The following USH2A variants were observed in gnomAD, a reference collection of about 807,000 sequenced individuals.
The protein encoded by USH2A is usherin.
In USH2A, 443 loss-of-function variants were observed where a neutral mutation model predicts 538.9. The ratio of observed to expected loss-of-function variants is 0.82; its 90% CI spans 0.76 to 0.89. The LOEUF (loss-of-function observed/expected upper bound fraction) is 0.89. Among genes scored for constraint, USH2A ranks in the 40% least tolerant of loss-of-function variants. The pLI is 0.00. For synonymous variants in USH2A, 2,413 were observed against 2,273.5 expected, an observed-to-expected ratio of 1.06 and a Z score of -1.75; for missense variants, 6,633 against 6,324.8, an observed-to-expected ratio of 1.05 and a Z score of -1.65.
intron 11 of USH2A, among the ~76,000 whole-genome samples, chr1:216,251,681 C>A (rs140912975): frequency 0.022 from 3,378 of 152,090 alleles, 60 homozygotes; most frequent in Middle Eastern, 0.13. Context: ...ACCTCGTGAT[C>A]CGCCCGCCTC....
At position 215,813,897 on chromosome 1, in the gene USH2A, C is replaced by A; in HGVS notation, c.9578G>T (p.Cys3193Phe). ...ICYSSEAKVC[C>F]NGVLYNPKPG... ...CTTGGGGTTATAGAGCACTCCGTTA[C>A]AACAAACCTGAAAGTTTGAAAACAG... Residue 3193 changes from cysteine to phenylalanine, a missense_variant, in exon 49 of 72, where the codon TGT (cysteine) becomes TTT (phenylalanine). Physicochemically the swap from Cys to Phe is radical, Grantham distance 205. Coordinates refer to ENST00000307340, the MANE Select transcript of USH2A (RefSeq NM_206933.4). 1 of 1,613,648 alleles carries A rather than the reference C, an allele frequency of 6.2e-7. No individual in the cohort carries two copies. The highest frequency in any genetic ancestry group is 8.5e-7 in the Non-Finnish European group (1 of 1,179,720).
At position 216,348,285 on chromosome 1, in the gene USH2A, T is replaced by A. The variant is rs371629158; in HGVS notation, c.784+16668A>T. On this transcript the variant is annotated intron_variant, in intron 4 of 71. Coordinates refer to ENST00000307340, the MANE Select transcript of USH2A (RefSeq NM_206933.4). ...TTTGTTATTTTACCAAGACTTTCAC[T>A]GGAATGGTGTGCTTTCCTTTAAGGA... is the stretch of plus-strand genomic sequence containing the variant. Among the ~76,000 whole-genome samples the A allele has an allele frequency of 7.9e-5, 12 of 152,278 alleles. No individual in the cohort carries two copies. The East Asian group carries it at 1.7e-3, about 22-fold the overall frequency.
intron 3 of USH2A, among the ~76,000 whole-genome samples, chr1:216,411,981 C>CTTTT (rs1392017923): frequency 2.6e-5 from 4 of 152,134 alleles, no homozygotes; most frequent in African/African-American, 9.7e-5. Flanking sequence ...TCATGTAGCA[C>CTTTT]TTACCACAAT....
At chr1:216,047,281 T>C (rs1399253374) in intron 31 of USH2A, among the ~76,000 whole-genome samples, 1 of 152,082 alleles carries the variant, frequency 6.6e-6, no homozygotes, top group East Asian at 1.9e-4. Flanking sequence ...TTGAAATTGG[T>C]ATGAAGGGTA....
intron 21 of USH2A, among the ~76,000 whole-genome samples, chr1:216,130,541 A>G (rs1233385981): frequency 6.8e-6 from 1 of 146,170 alleles, no homozygotes; most frequent in Non-Finnish European, 1.5e-5. Context: ...TATATATATA[A>G]AATATATATT....
At chr1:215,981,719 C>CTT (rs1667756698) in intron 35 of USH2A, among the ~76,000 whole-genome samples, 1 of 152,148 alleles carries the variant, frequency 6.6e-6, no homozygotes, top group African/African-American at 2.4e-5. Context: ...AGCACCAAAC[C>CTT]TTATTGTCAA....
intron 46 of USH2A, among the ~76,000 whole-genome samples, chr1:215,840,163 CAAAAAAAAAAAAAAAA>C (rs60766928): frequency 1.0e-4 from 3 of 29,516 alleles, no homozygotes; most frequent in South Asian, 3.3e-3. Context: ...GACTCTGTCT[CAAAAAAAAAAAAAAAA>C]AAAAAAAAAA....
Position 215,896,609 on chromosome 1 carries a change from A to G in USH2A, c.7594+3466T>C, listed in dbSNP as rs544102987. On this transcript the variant is annotated intron_variant, in intron 40 of 71. Transcript: ENST00000307340. ...TTTGAAAAACTTGCCCTCCCTGCCA[A>G]CTCTAATTTCTACATGCATGTACTA... 1.3e-4 allele frequency among the ~76,000 whole-genome samples: 20 copies of G among 152,244 alleles called. No individual in the cohort carries two copies. In the South Asian group the frequency reaches 3.9e-3, roughly 30 times the overall value.
At chr1:216,308,854 C>T (rs904605330) in intron 9 of USH2A, among the ~76,000 whole-genome samples, 1 of 152,128 alleles carries the variant, frequency 6.6e-6, no homozygotes, top group African/African-American at 2.4e-5. Flanking sequence ...CTCATGCTAG[C>T]TTTCTTAAAT....
intron 21 of USH2A, among the ~76,000 whole-genome samples, chr1:216,170,092 C>T (rs930030464): frequency 2.0e-5 from 3 of 152,012 alleles, no homozygotes; most frequent in African/African-American, 7.2e-5. Context: ...GCCCTACTTG[C>T]ACCTTCACTA....
chr1:215,941,849 TATC>T (rs1285813489), intron 37 of USH2A, among the ~76,000 whole-genome samples: 1 of 152,182 alleles, frequency 6.6e-6, no homozygotes, highest in Admixed American at 6.6e-5. Context: ...ATGAGAATGA[TATC>T]ATGTTTTGCT....
intron 13 of USH2A, 136 bp downstream of exon 13, chr1:216,246,449 G>T: frequency 2.8e-6 from 3 of 1,068,246 alleles, no homozygotes; most frequent in Non-Finnish European, 4.1e-6. Flanking sequence ...TATATGTGTT[G>T]GATAATGATA....
chr1:215,852,036 C>T (rs905500591), intron 44 of USH2A, among the ~76,000 whole-genome samples: 1 of 152,128 alleles, frequency 6.6e-6, no homozygotes, highest in African/African-American at 2.4e-5. Context: ...AAAGGACATA[C>T]TTTAATGTAA....
intron 12 of USH2A, among the ~76,000 whole-genome samples, chr1:216,250,637 T>C (rs1039666636): frequency 2.6e-5 from 4 of 152,240 alleles, no homozygotes; most frequent in African/African-American, 9.6e-5. Flanking sequence ...TATTTTTCTA[T>C]GACTTATTAG....
chr1:215,989,666 T>C (rs1667959213), intron 35 of USH2A, among the ~76,000 whole-genome samples: 2 of 151,976 alleles, frequency 1.3e-5, no homozygotes, highest in African/African-American at 4.8e-5. Flanking sequence ...GTGACAGCAG[T>C]CAGGGGTGAG....
intron 15 of USH2A, among the ~76,000 whole-genome samples, chr1:216,209,145 T>C (rs2035182569): frequency 6.6e-6 from 1 of 152,188 alleles, no homozygotes; most frequent in Non-Finnish European, 1.5e-5. Flanking sequence ...TGTTAACTCT[T>C]CTCTGCACAC....
chr1:216,023,468 A>AC (rs1380563716), intron 32 of USH2A, among the ~76,000 whole-genome samples: 7 of 148,346 alleles, frequency 4.7e-5, no homozygotes, highest in African/African-American at 1.7e-4. Context: ...ACAAAAAAAA[A>AC]AAAAAAAAAA....
At chr1:216,369,382 A>C (rs2038659752) in intron 3 of USH2A, among the ~76,000 whole-genome samples, 1 of 151,986 alleles carries the variant, frequency 6.6e-6, no homozygotes, top group Non-Finnish European at 1.5e-5. Context: ...TTCCTCACTC[A>C]TCTCACCCAA....
chr1:216,113,589 T>C (rs1163938783), intron 21 of USH2A, among the ~76,000 whole-genome samples: 1 of 152,190 alleles, frequency 6.6e-6, no homozygotes, highest in Non-Finnish European at 1.5e-5. Context: ...TTCATTTGGA[T>C]ACTTTTTTGT....
Sources: allele counts gnomAD v4.1 joint callset (sites outside exome capture counted in the v4.1 genomes callset), GRCh38; gene constraint gnomAD v4.1.1; transcripts MANE v1.5; gene names NCBI Gene and HGNC (gene_info 2026-07-23, HGNC 2026-07-21).